Variants in GRM3 observed in about 807,000 individuals in gnomAD.
GRM3 encodes the protein glutamate metabotropic receptor 3, also known as metabotropic glutamate receptor 3.
Under a neutral mutation model 70.5 loss-of-function variants are expected in GRM3, and 26 were observed. The ratio of observed to expected loss-of-function variants is 0.37; its 90% confidence interval spans 0.27 to 0.51. The LOEUF is 0.51. GRM3 is among the 20% of genes least tolerant of loss of function. The probability of loss-of-function intolerance (pLI) is 0.93; values close to 1 mark genes in which losing one functional copy is unlikely to be tolerated. For missense variants in GRM3, 859 were observed against 1,123.8 expected, an observed-to-expected ratio of 0.76 and a Z score of 3.37; for synonymous variants, 443 against 434.9, an observed-to-expected ratio of 1.02 and a Z score of -0.23.
intron 3 of GRM3, among the ~76,000 whole-genome samples, chr7:86,821,633 C>T (rs938284588): frequency 3.3e-5 from 5 of 152,058 alleles, no homozygotes; most frequent in African/African-American, 9.7e-5. Context: ...GCGTGACAGC[C>T]CCAGCCTTCA....
At chr7:86,718,106 T>G (rs1427521637) in intron 1 of GRM3, among the ~76,000 whole-genome samples, 1 of 152,030 alleles carries the variant, frequency 6.6e-6, no homozygotes, top group Admixed American at 6.6e-5. Flanking sequence ...TATTTTAGCC[T>G]TTAAATGTGC....
intron 1 of GRM3, among the ~76,000 whole-genome samples, chr7:86,728,753 T>C (rs1795651487): frequency 6.6e-6 from 1 of 152,188 alleles, no homozygotes; most frequent in African/African-American, 2.4e-5. Context: ...ATATGTTGGT[T>C]GGGATTTTAT....
chr7:86,825,580 A>G (rs989671710), intron 3 of GRM3, among the ~76,000 whole-genome samples: 1 of 152,232 alleles, frequency 6.6e-6, no homozygotes, highest in African/African-American at 2.4e-5. Flanking sequence ...AGTCAAATGC[A>G]TGTCCATGCA....
intron 4 of GRM3, among the ~76,000 whole-genome samples, chr7:86,840,947 T>A (rs1798547401): frequency 6.6e-6 from 1 of 152,144 alleles, no homozygotes; most frequent in Non-Finnish European, 1.5e-5. Flanking sequence ...ATAGGAAGAA[T>A]AATTCAAGAG....
At chr7:86,777,405 A>G (rs1796920850) in intron 2 of GRM3, among the ~76,000 whole-genome samples, 1 of 152,134 alleles carries the variant, frequency 6.6e-6, no homozygotes, top group Non-Finnish European at 1.5e-5. Context: ...ATGATTAGGG[A>G]GTCCTTTGTT....
At chr7:86,742,019 G>C (rs1442603412) in intron 1 of GRM3, among the ~76,000 whole-genome samples, 1 of 152,142 alleles carries the variant, frequency 6.6e-6, no homozygotes, top group African/African-American at 2.4e-5. Context: ...GGCAGGGCTT[G>C]GTGGAGACAA....
chr7:86,771,326 G>A (rs1055782987), intron 2 of GRM3, among the ~76,000 whole-genome samples: 9 of 152,128 alleles, frequency 5.9e-5, no homozygotes, highest in African/African-American at 2.2e-4. Flanking sequence ...ATATGGAGCA[G>A]AAAGTTTACA....
intron 1 of GRM3, among the ~76,000 whole-genome samples, chr7:86,703,456 T>G (rs1011446704): frequency 6.6e-6 from 1 of 151,932 alleles, no homozygotes; most frequent in Non-Finnish European, 1.5e-5. Flanking sequence ...AGGAGAGAAG[T>G]GTCCAAGAAG....
At chr7:86,827,939 T>C (rs373717052) in intron 3 of GRM3, among the ~76,000 whole-genome samples, 49 of 151,960 alleles carry the variant, frequency 3.2e-4, no homozygotes, top group East Asian at 2.9e-3. Flanking sequence ...GGTGAAACCC[T>C]GTCTCTACTA....
rs1799032631 is a variant in GRM3 at position 86,864,796 on chromosome 7, C to T, written c.*441C>T. 1 of 153,450 alleles carries T rather than the reference C, an allele frequency of 6.5e-6. No individual in the cohort carries two copies. The highest frequency in any genetic ancestry group is 1.5e-5 in the Non-Finnish European group (1 of 68,706). The allele number at this position is 153,450 out of a possible 1,614,324, so 9.5% of individuals were successfully genotyped here. ...TATATTAAAGTTACATTATGTGTAA[C>T]AGATTGATTTTCTCAGCACAAAATA... On this transcript the variant is annotated 3_prime_UTR_variant, in exon 6 of 6. Coordinates refer to ENST00000361669, the MANE Select transcript of GRM3 (RefSeq NM_000840.3).
chr7:86,846,885 T>G (rs980900734), intron 4 of GRM3, among the ~76,000 whole-genome samples: 1 of 152,190 alleles, frequency 6.6e-6, no homozygotes, highest in African/African-American at 2.4e-5. Context: ...AAGACTGTAG[T>G]GCCTGAGATT....
intron 1 of GRM3, among the ~76,000 whole-genome samples, chr7:86,724,553 T>C (rs1795548247): frequency 6.6e-6 from 1 of 152,148 alleles, no homozygotes; most frequent in Non-Finnish European, 1.5e-5. Flanking sequence ...AACTGTCCCA[T>C]GGTTGGAAAG....
chr7:86,719,340 A>G (rs905850978), intron 1 of GRM3, among the ~76,000 whole-genome samples: 1 of 152,016 alleles, frequency 6.6e-6, no homozygotes, highest in Admixed American at 6.6e-5. Context: ...AAGTTTCTTC[A>G]TACATCTATT....
At chr7:86,813,763 AT>A (rs1338328772) in intron 3 of GRM3, among the ~76,000 whole-genome samples, 2 of 151,740 alleles carry the variant, frequency 1.3e-5, no homozygotes, top group Non-Finnish European at 3.0e-5. Context: ...CTATACGATC[AT>A]GTTAATTTTA....
At chr7:86,831,910 A>C (rs1584270014) in intron 3 of GRM3, among the ~76,000 whole-genome samples, 1 of 152,152 alleles carries the variant, frequency 6.6e-6, no homozygotes, top group East Asian at 1.9e-4. Context: ...TACTGAAGAC[A>C]TCTAAGTGGT....
At chr7:86,758,419 G>T (rs187128829) in intron 1 of GRM3, among the ~76,000 whole-genome samples, 2 of 152,142 alleles carry the variant, frequency 1.3e-5, no homozygotes, top group African/African-American at 2.4e-5. Flanking sequence ...AAAGGACAAA[G>T]GTGGATCACA....
chr7:86,661,353 T>C (rs1310373737), intron 1 of GRM3, among the ~76,000 whole-genome samples: 2 of 152,018 alleles, frequency 1.3e-5, no homozygotes, highest in African/African-American at 4.8e-5. Flanking sequence ...TTAGTGTACT[T>C]TGGTACATCC....
intron 1 of GRM3, among the ~76,000 whole-genome samples, chr7:86,724,267 A>G (rs988302015): frequency 6.6e-6 from 1 of 152,132 alleles, no homozygotes; most frequent in African/African-American, 2.4e-5. Flanking sequence ...CAAACACGAC[A>G]TCTATAAAAC....
rs759777991 is a variant in GRM3 at position 86,720,967 on chromosome 7, T to A, written c.-140-44039T>A. ...GAGGATGAGAGTTCTCTGTGTACTA[T>A]GAGAGAAATAAGCAAGGTAACAGGA... On this transcript the variant is annotated intron_variant, in intron 1 of 5. Coordinates refer to ENST00000361669, the MANE Select transcript of GRM3 (RefSeq NM_000840.3). Among the ~76,000 whole-genome samples the A allele has an allele frequency of 5.3e-5, 8 of 152,056 alleles. No homozygotes were observed. The East Asian group carries it at 1.5e-3, about 29-fold the overall frequency.
Sources: gnomAD v4.1 joint callset for allele counts (sites outside exome capture counted in the v4.1 genomes callset) on GRCh38, gnomAD v4.1.1 for gene constraint, MANE v1.5 for transcripts, NCBI Gene and HGNC (gene_info 2026-07-23, HGNC 2026-07-21) for gene names.